The following DAB1 variants were observed in gnomAD, a reference collection of about 807,000 sequenced individuals.
The protein encoded by DAB1 is DAB adaptor protein 1.
DAB1 carries 15 observed loss-of-function variants against 64.6 expected under a neutral mutation model. That is an observed-to-expected ratio of 0.23 (90% CI 0.16 to 0.36). DAB1 has a LOEUF of 0.36. DAB1 is among the 10% of genes least tolerant of loss of function. The probability of loss-of-function intolerance (pLI) is 1.00; values close to 1 mark genes in which losing one functional copy is unlikely to be tolerated. For missense variants in DAB1, 596 were observed against 706.7 expected, an observed-to-expected ratio of 0.84 and a Z score of 1.78; for synonymous variants, 235 against 251.9, an observed-to-expected ratio of 0.93 and a Z score of 0.64.
chr1:57,974,964 T>TA (rs1480989307), intron 5 of DAB1, among the ~76,000 whole-genome samples: 3 of 152,210 alleles, frequency 2.0e-5, no homozygotes, highest in Non-Finnish European at 2.9e-5. Flanking sequence ...GTCCCAGCTT[T>TA]AAAAAAACTC....
intron 1 of DAB1, among the ~76,000 whole-genome samples, chr1:57,347,749 G>T (rs1228847778): frequency 2.6e-5 from 4 of 152,058 alleles, no homozygotes; most frequent in Non-Finnish European, 5.9e-5. Context: ...CTAATCCAAA[G>T]GCCTATTCTA....
intron 3 of DAB1, among the ~76,000 whole-genome samples, chr1:58,393,145 T>C (rs563948383): frequency 0.016 from 1,969 of 123,274 alleles, 45 homozygotes; most frequent in African/African-American, 0.068. Context: ...TTTTTTTTTA[T>C]AGATACAGGT....
At chr1:57,019,144 C>A (rs1344733835) in intron 11 of DAB1, among the ~76,000 whole-genome samples, 2 of 152,210 alleles carry the variant, frequency 1.3e-5, no homozygotes, top group Non-Finnish European at 2.9e-5. Flanking sequence ...GACTAGAAAC[C>A]ACCTGCTGGC....
At chr1:57,394,494 A>C (rs750866639) in intron 1 of DAB1, among the ~76,000 whole-genome samples, 5 of 152,248 alleles carry the variant, frequency 3.3e-5, no homozygotes, top group Non-Finnish European at 5.9e-5. Flanking sequence ...AAAGAACTAC[A>C]AAAGAGAATA....
At chr1:57,061,118 G>A (rs1650340944) in intron 9 of DAB1, among the ~76,000 whole-genome samples, 1 of 151,286 alleles carries the variant, frequency 6.6e-6, no homozygotes. Flanking sequence ...TCCCTGAACA[G>A]TACAACACAG....
intron 1 of DAB1, among the ~76,000 whole-genome samples, chr1:57,364,220 T>C (rs1679784396): frequency 6.6e-6 from 1 of 152,140 alleles, no homozygotes; most frequent in African/African-American, 2.4e-5. Flanking sequence ...TGTCCCAACT[T>C]TGGGGATGGG....
intron 6 of DAB1, among the ~76,000 whole-genome samples, chr1:57,718,566 T>A (rs1056970657): frequency 3.9e-5 from 6 of 152,192 alleles, no homozygotes; most frequent in African/African-American, 1.2e-4. Flanking sequence ...TCTCTACAGA[T>A]CTTCTTGAAT....
At chr1:57,189,153 C>A (rs1663887394) in intron 2 of DAB1, among the ~76,000 whole-genome samples, 1 of 152,132 alleles carries the variant, frequency 6.6e-6, no homozygotes, top group Non-Finnish European at 1.5e-5. Context: ...TTTCCTACCC[C>A]TTGCAATCTG....
chr1:57,508,552 G>A (rs981356791), intron 7 of DAB1, among the ~76,000 whole-genome samples: 1 of 152,284 alleles, frequency 6.6e-6, no homozygotes, highest in African/African-American at 2.4e-5. Flanking sequence ...AATATGTTAG[G>A]CTTTGCAAGA....
chr1:57,028,618 T>C (rs954232198), intron 9 of DAB1, among the ~76,000 whole-genome samples: 2 of 152,168 alleles, frequency 1.3e-5, no homozygotes, highest in African/African-American at 4.8e-5. Context: ...CCCAAAATGC[T>C]GATAGTGATA....
chr1:58,399,976 G>T (rs558013582), intron 3 of DAB1, among the ~76,000 whole-genome samples: 1 of 152,048 alleles, frequency 6.6e-6, no homozygotes, highest in Non-Finnish European at 1.5e-5. Context: ...ACGAAAACCA[G>T]CTCAAGCTAG....
chr1:58,120,569 C>T (rs1652676085), intron 5 of DAB1, among the ~76,000 whole-genome samples: 1 of 152,150 alleles, frequency 6.6e-6, no homozygotes, highest in Non-Finnish European at 1.5e-5. Context: ...GAACCCTGCA[C>T]AATGTCTGGC....
At position 57,099,439 on chromosome 1, in the gene DAB1, G is replaced by A. The variant is rs1345139938; in HGVS notation, c.307-27025C>T. ...AGTAGCGCAGTTCCTAGAACATCAC[G>A]GGTACTCAATAAATGTTTGTTGAAC... On this transcript the variant is annotated intron_variant, in intron 4 of 14. Transcript: ENST00000371236. Among the ~76,000 whole-genome samples the A allele has an allele frequency of 5.9e-5, 9 of 152,266 alleles. No homozygotes were observed. The East Asian group carries it at 1.4e-3, about 23-fold the overall frequency.
At chr1:57,387,805 G>C (rs112654676) in intron 1 of DAB1, among the ~76,000 whole-genome samples, 186 of 128,164 alleles carry the variant, frequency 1.5e-3, no homozygotes, top group African/African-American at 5.4e-3. Context: ...CTGGGTGACA[G>C]AGCAAGACTC....
chr1:58,530,795 T>C, intron 1 of DAB1: 1 of 798,930 alleles, frequency 1.3e-6, no homozygotes, highest in Non-Finnish European at 2.2e-6. Context: ...TTACATTTTC[T>C]AGTTCATCAT....
Position 57,111,293 on chromosome 1 carries a change from T to C in DAB1, c.306+25250A>G, listed in dbSNP as rs186527074. ...GGGACAAAATATTCTAAATTCAGGC[T>C]CATCTTGGAAATTCAGAGCCTGTTA... is the stretch of plus-strand genomic sequence containing the variant. On this transcript the variant is annotated intron_variant, in intron 4 of 14. Coordinates refer to ENST00000371236, the MANE Select transcript of DAB1 (RefSeq NM_001365792.1). Among the ~76,000 whole-genome samples, 8 of 152,290 alleles carry C rather than the reference T, an allele frequency of 5.3e-5. No individual in the cohort carries two copies. The East Asian group carries it at 1.5e-3, about 30-fold the overall frequency.
chr1:58,488,899 T>C (rs1187984495), intron 3 of DAB1, among the ~76,000 whole-genome samples: 2 of 152,238 alleles, frequency 1.3e-5, no homozygotes, highest in African/African-American at 4.8e-5. Context: ...GTACAGATAT[T>C]TTTGTCCAAG....
Position 57,235,688 on chromosome 1 carries a change from T to C in DAB1, c.67+55276A>G, listed in dbSNP as rs140472776. 8.5e-4 allele frequency among the ~76,000 whole-genome samples: 125 copies of C among 147,482 alleles called. No homozygotes were observed. In the East Asian group the frequency reaches 0.022, roughly 26 times the overall value. ...AAATCTGTCTCTGTCTCTAGTCCCA[T>C]GTTTTCCATTCAAAACTTTAAAAAA... On this transcript the variant is annotated intron_variant, in intron 2 of 14. Coordinates refer to ENST00000371236, the MANE Select transcript of DAB1 (RefSeq NM_001365792.1).
chr1:57,403,509 T>C (rs901414205), intron 1 of DAB1, among the ~76,000 whole-genome samples: 1 of 152,144 alleles, frequency 6.6e-6, no homozygotes, highest in African/African-American at 2.4e-5. Context: ...CTTTTGTCAT[T>C]AACAACCTAA....
Sources: gnomAD v4.1 joint callset for allele counts (sites outside exome capture counted in the v4.1 genomes callset) on GRCh38, gnomAD v4.1.1 for gene constraint, MANE v1.5 for transcripts, NCBI Gene and HGNC (gene_info 2026-07-23, HGNC 2026-07-21) for gene names.